STK32B: variants seen among roughly 807,000 people sequenced by gnomAD.
STK32B encodes serine/threonine kinase 32B.
STK32B carries 43 observed loss-of-function variants against 52.6 expected under a neutral mutation model. The ratio of observed to expected loss-of-function variants is 0.82; its 90% CI spans 0.64 to 1.05. The LOEUF is 1.05. STK32B is among the 50% of genes least tolerant of loss of function. The probability of loss-of-function intolerance (pLI) is 0.00; values close to 1 mark genes in which losing one functional copy is unlikely to be tolerated. For missense variants in STK32B, 621 were observed against 534.6 expected (o/e 1.16, Z -1.59); for synonymous variants, 238 against 204.3 (o/e 1.17, Z -1.41).
At chr4:5,320,765 A>C (rs1731435006) in intron 3 of STK32B, among the ~76,000 whole-genome samples, 1 of 152,202 alleles carries the variant, frequency 6.6e-6, no homozygotes. Context: ...GAATGGAAAC[A>C]CTTGACATAT....
intron 6 of STK32B, among the ~76,000 whole-genome samples, chr4:5,432,749 G>C (rs987905743): frequency 1.3e-5 from 2 of 151,936 alleles, no homozygotes; most frequent in African/African-American, 2.4e-5. Context: ...ATAGTAAATA[G>C]CAAACTTGGA....
the STK32B span, among the ~76,000 whole-genome samples, chr4:5,021,667 T>G: frequency 1.3e-5 from 2 of 152,228 alleles, no homozygotes; most frequent in African/African-American, 4.8e-5. Context: ...GTGAGATAAA[T>G]GTACTGCTGG....
chr4:5,175,650 C>T (rs531500675), intron 3 of STK32B, among the ~76,000 whole-genome samples: 10 of 152,312 alleles, frequency 6.6e-5, no homozygotes, highest in African/African-American at 1.2e-4. Context: ...GCTGCCTGAT[C>T]GTTCCTCTGG....
chr4:5,113,666 A>G (rs1038447057), intron 1 of STK32B, among the ~76,000 whole-genome samples: 16 of 152,210 alleles, frequency 1.1e-4, no homozygotes, highest in African/African-American at 3.9e-4. Context: ...CTTTGCCCTC[A>G]ATATAAGAAA....
chr4:5,193,903 C>T (rs1235701012), intron 3 of STK32B, among the ~76,000 whole-genome samples: 1 of 152,228 alleles, frequency 6.6e-6, no homozygotes, highest in Non-Finnish European at 1.5e-5. Flanking sequence ...CTGGGCACCT[C>T]CTTCCAGAAG....
chr4:5,440,343 G>A lies in STK32B; in HGVS notation c.563-6330G>A, dbSNP rs548880508. ...ACATCCCTTGTAAGTTGGATTCCTA[G>A]GTATTTTATTCTCTTTGAAGCAATT... On this transcript the variant is annotated intron_variant, in intron 6 of 11. Coordinates refer to ENST00000282908, the MANE Select transcript of STK32B (RefSeq NM_018401.3). Among the ~76,000 whole-genome samples, 506 of 152,216 alleles carry A rather than the reference G, an allele frequency of 3.3e-3. 2 individuals are homozygous for A. The highest frequency in any genetic ancestry group is 0.012 in the African/African-American group (487 of 41,522).
At chr4:5,104,985 G>T (rs898386748) in intron 1 of STK32B, among the ~76,000 whole-genome samples, 6 of 152,140 alleles carry the variant, frequency 3.9e-5, no homozygotes, top group Admixed American at 6.5e-5. Flanking sequence ...AAATTTCTAG[G>T]TCATAGAGTA....
rs11946428 is a variant in STK32B, at chr4:5,076,354, A to C, written c.52+24439A>C. Among the ~76,000 whole-genome samples, 574 of 152,244 alleles carry C rather than the reference A, an allele frequency of 3.8e-3. 3 individuals carry two copies. The highest frequency in any genetic ancestry group is 0.013 in the African/African-American group (554 of 41,556). On this transcript the variant is annotated intron_variant, in intron 1 of 11. Transcript: ENST00000282908. Reference sequence around the variant, plus strand: ...CTGTAATTTTCTTCACTTGTCCCCTATTTTGGGGGCATTTAGCTTATTCCT... The same window carrying C: ...CTGTAATTTTCTTCACTTGTCCCCTCTTTTGGGGGCATTTAGCTTATTCCT...
intron 1 of STK32B, among the ~76,000 whole-genome samples, chr4:5,132,219 G>A (rs1047346420): frequency 6.6e-6 from 1 of 152,170 alleles, no homozygotes; most frequent in East Asian, 1.9e-4. Flanking sequence ...ATTGTGAATA[G>A]TGCTGCAGTG....
intron 8 of STK32B, among the ~76,000 whole-genome samples, chr4:5,457,919 G>T (rs62299782): frequency 1.4e-5 from 2 of 140,580 alleles, no homozygotes; most frequent in African/African-American, 2.5e-5. Context: ...GAGGGAGAGA[G>T]GAAGGAAGGA....
chr4:5,179,068 A>T (rs930292585), intron 3 of STK32B, among the ~76,000 whole-genome samples: 1 of 152,240 alleles, frequency 6.6e-6, no homozygotes, highest in African/African-American at 2.4e-5. Flanking sequence ...TAAAGACAAG[A>T]GGTTTAACTT....
At chr4:5,432,833 A>G (rs1484694482) in intron 6 of STK32B, among the ~76,000 whole-genome samples, 7 of 152,194 alleles carry the variant, frequency 4.6e-5, no homozygotes, top group Admixed American at 6.5e-5. Context: ...AGCACTTACT[A>G]TGTGCTTAAT....
chr4:5,202,779 C>A (rs993300926), intron 3 of STK32B, among the ~76,000 whole-genome samples: 8 of 152,232 alleles, frequency 5.3e-5, no homozygotes, highest in Non-Finnish European at 5.9e-5. Flanking sequence ...GGTTCCATCC[C>A]CTCATGTCTG....
chr4:5,171,245 C>T (rs201454964), intron 3 of STK32B, among the ~76,000 whole-genome samples: 1 of 151,842 alleles, frequency 6.6e-6, no homozygotes, highest in African/African-American at 2.4e-5. Context: ...AATTTTCTCC[C>T]ATTCTGTAGG....
At chr4:5,350,643 A>G (rs1733765267) in intron 4 of STK32B, among the ~76,000 whole-genome samples, 1 of 152,198 alleles carries the variant, frequency 6.6e-6, no homozygotes, top group African/African-American at 2.4e-5. Flanking sequence ...ACATATCAAT[A>G]ATAACATTGA....
intron 6 of STK32B, among the ~76,000 whole-genome samples, chr4:5,426,366 T>G (rs1415794783): frequency 6.6e-6 from 1 of 152,118 alleles, no homozygotes; most frequent in Non-Finnish European, 1.5e-5. Flanking sequence ...CATCCATATA[T>G]TTTCTGTGTG....
intron 1 of STK32B, among the ~76,000 whole-genome samples, chr4:5,125,621 C>T (rs1715319025): frequency 6.6e-6 from 1 of 152,216 alleles, no homozygotes; most frequent in Non-Finnish European, 1.5e-5. Flanking sequence ...TTGGAAGCTA[C>T]TGGGCCAAAT....
At position 5,063,184 on chromosome 4, in the gene STK32B, G is replaced by A. The variant is rs182930815; in HGVS notation, c.52+11269G>A. Among the ~76,000 whole-genome samples the A allele has an allele frequency of 1.3e-4, 20 of 152,214 alleles. No individual in the cohort carries two copies. In the East Asian group the frequency reaches 3.1e-3, roughly 23 times the overall value. ...AGATGATGGCAAATTGTTTACCAAC[G>A]TGATCATATTAATTTACACTCTGGC... On this transcript the variant is annotated intron_variant, in intron 1 of 11. Coordinates refer to ENST00000282908, the MANE Select transcript of STK32B (RefSeq NM_018401.3).
chr4:5,437,426 C>A (rs1314814465), intron 6 of STK32B, among the ~76,000 whole-genome samples: 1 of 152,244 alleles, frequency 6.6e-6, no homozygotes, highest in Non-Finnish European at 1.5e-5. Context: ...TTGCCCTGAT[C>A]TGCCTTTGTC....
Sources: allele counts gnomAD v4.1 joint callset (sites outside exome capture counted in the v4.1 genomes callset), GRCh38; gene constraint gnomAD v4.1.1; transcripts MANE v1.5; gene names NCBI Gene and HGNC (gene_info 2026-07-23, HGNC 2026-07-21).